Variants in GRM7 observed in about 807,000 individuals in gnomAD.
GRM7 encodes the protein metabotropic glutamate receptor 7.
In GRM7, 35 loss-of-function variants were observed where a neutral mutation model predicts 84.5. The observed-to-expected ratio is 0.41, with a 90% CI of 0.32 to 0.55. The LOEUF is 0.55. Among genes scored for constraint, GRM7 ranks in the 20% least tolerant of loss-of-function variants. The pLI is 0.19. For synonymous variants in GRM7, 487 were observed against 455.1 expected (o/e 1.07, Z -0.89); for missense variants, 1,003 against 1,194.6 (o/e 0.84, Z 2.36).
intron 2 of GRM7, among the ~76,000 whole-genome samples, chr3:7,264,577 C>A (rs972821418): frequency 2.0e-5 from 3 of 152,116 alleles, no homozygotes; most frequent in Non-Finnish European, 4.4e-5. Context: ...TCTTCCCCTT[C>A]AGCCCAGCAT....
chr3:7,000,989 A>G lies in GRM7; in HGVS notation c.519+139082A>G, dbSNP rs557651918. 4.6e-5 allele frequency among the ~76,000 whole-genome samples: 7 copies of G among 152,338 alleles called. No individual in the cohort carries two copies. The East Asian group carries it at 1.4e-3, about 29-fold the overall frequency. ...GGAAAAAATATAGTATGCTTGAATG[A>G]TATTGCCAATTGGAGGGTTACTCAG... On this transcript the variant is annotated intron_variant, in intron 1 of 9. Coordinates refer to ENST00000357716, the MANE Select transcript of GRM7 (RefSeq NM_000844.4).
rs190022088 is a variant in GRM7 at position 7,705,195 on chromosome 3, T to C, written c.2698+24900T>C. Among the ~76,000 whole-genome samples the C allele has an allele frequency of 2.8e-3, 430 of 152,278 alleles. 7 individuals carry two copies. The highest frequency in any genetic ancestry group is 0.02 in the Middle Eastern group (6 of 294). On this transcript the variant is annotated intron_variant, in intron 9 of 9. Coordinates refer to ENST00000357716, the MANE Select transcript of GRM7 (RefSeq NM_000844.4). ...TCATCCTTGAATGTGAAGGCCTTTT[T>C]GAAAGAAACGTTCAGGACAAATCAA...
chr3:7,572,145 G>T (rs1212161069), intron 7 of GRM7, among the ~76,000 whole-genome samples: 1 of 152,158 alleles, frequency 6.6e-6, no homozygotes, highest in African/African-American at 2.4e-5. Context: ...CAGAGAAGTG[G>T]TTTTGTAGTC....
chr3:7,074,124 C>T (rs1311679435), intron 1 of GRM7, among the ~76,000 whole-genome samples: 1 of 152,062 alleles, frequency 6.6e-6, no homozygotes, highest in Admixed American at 6.6e-5. Flanking sequence ...AAACAAATAT[C>T]TAAATATTTT....
intron 2 of GRM7, among the ~76,000 whole-genome samples, chr3:7,229,720 CACACACATATATATATAT>C (rs1453581309): frequency 2.8e-4 from 4 of 14,242 alleles, no homozygotes; most frequent in Non-Finnish European, 3.3e-4. Context: ...TCTCCATAGA[CACACACATATATATATAT>C]ATATATATAT....
At chr3:7,332,114 C>T (rs1701232473) in intron 4 of GRM7, among the ~76,000 whole-genome samples, 1 of 152,094 alleles carries the variant, frequency 6.6e-6, no homozygotes, top group East Asian at 1.9e-4. Flanking sequence ...AGTAAAATAA[C>T]AGTGACACCA....
intron 2 of GRM7, among the ~76,000 whole-genome samples, chr3:7,267,268 T>A (rs1698677450): frequency 6.6e-6 from 1 of 152,184 alleles, no homozygotes; most frequent in Non-Finnish European, 1.5e-5. Flanking sequence ...CTGTCTTTGG[T>A]TTGCAAGAAC....
chr3:7,184,228 C>G (rs1480735718), intron 2 of GRM7, among the ~76,000 whole-genome samples: 1 of 152,048 alleles, frequency 6.6e-6, no homozygotes, highest in Admixed American at 6.5e-5. Context: ...GAAAAATAAG[C>G]TATTCCCTTC....
intron 4 of GRM7, among the ~76,000 whole-genome samples, chr3:7,347,101 A>C (rs896978845): frequency 6.6e-6 from 1 of 152,136 alleles, no homozygotes; most frequent in African/African-American, 2.4e-5. Context: ...AGCTTCTCCA[A>C]CTTTTCAATC....
At chr3:7,108,386 A>G (rs775453460) in intron 1 of GRM7, among the ~76,000 whole-genome samples, 2 of 151,980 alleles carry the variant, frequency 1.3e-5, no homozygotes, top group Admixed American at 6.6e-5. Flanking sequence ...CCGATTTGTT[A>G]TTGAACACAG....
intron 1 of GRM7, among the ~76,000 whole-genome samples, chr3:6,874,773 A>T (rs1052144375): frequency 6.6e-6 from 1 of 152,134 alleles, no homozygotes; most frequent in Non-Finnish European, 1.5e-5. Context: ...TCTATTCCCT[A>T]TGACACCCTA....
chr3:7,485,847 T>C (rs1387697102), intron 7 of GRM7, among the ~76,000 whole-genome samples: 2 of 152,160 alleles, frequency 1.3e-5, no homozygotes, highest in Non-Finnish European at 2.9e-5. Context: ...TAATAATTCA[T>C]GTTCACAAAC....
At chr3:7,032,939 AG>A (rs1444956222) in intron 1 of GRM7, among the ~76,000 whole-genome samples, 1 of 152,140 alleles carries the variant, frequency 6.6e-6, no homozygotes, top group African/African-American at 2.4e-5. Context: ...TTAGTTCTCA[AG>A]GATTGCCATA....
intron 1 of GRM7, among the ~76,000 whole-genome samples, chr3:7,067,093 C>T (rs999505923): frequency 1.3e-5 from 2 of 152,034 alleles, no homozygotes; most frequent in South Asian, 4.1e-4. Flanking sequence ...TAAAAGCATT[C>T]CCTCTGAGAA....
intron 8 of GRM7, among the ~76,000 whole-genome samples, chr3:7,582,934 T>C (rs1695333714): frequency 6.6e-6 from 1 of 152,228 alleles, no homozygotes; most frequent in South Asian, 2.1e-4. Flanking sequence ...GTGGACACGA[T>C]GCCAACCATA....
intron 2 of GRM7, among the ~76,000 whole-genome samples, chr3:7,207,449 T>C (rs1696276656): frequency 6.6e-6 from 1 of 152,184 alleles, no homozygotes. Flanking sequence ...CCTTTTCATC[T>C]ACAGGCTGAC....
At chr3:6,980,906 A>C (rs1210482022) in intron 1 of GRM7, among the ~76,000 whole-genome samples, 1 of 152,224 alleles carries the variant, frequency 6.6e-6, no homozygotes, top group Non-Finnish European at 1.5e-5. Flanking sequence ...TAACCCATCC[A>C]ATGTAAACTG....
At chr3:7,345,071 T>A (rs1430678660) in intron 4 of GRM7, among the ~76,000 whole-genome samples, 1 of 152,138 alleles carries the variant, frequency 6.6e-6, no homozygotes, top group Non-Finnish European at 1.5e-5. Context: ...AACTAATTTT[T>A]AAATGTTTTT....
At chr3:7,020,406 G>A (rs556478638) in intron 1 of GRM7, among the ~76,000 whole-genome samples, 3 of 152,276 alleles carry the variant, frequency 2.0e-5, no homozygotes, top group South Asian at 2.1e-4. Flanking sequence ...CAGTGAAAAG[G>A]TAAATCATAA....
Sources: allele counts gnomAD v4.1 joint callset (sites outside exome capture counted in the v4.1 genomes callset), GRCh38; gene constraint gnomAD v4.1.1; transcripts MANE v1.5; gene names NCBI Gene and HGNC (gene_info 2026-07-23, HGNC 2026-07-21).